The following CAST variants were observed in gnomAD, a reference collection of about 807,000 sequenced individuals.
CAST encodes the protein calpastatin.
Under a neutral mutation model 119.6 loss-of-function variants are expected in CAST, and 76 were observed. The ratio of observed to expected loss-of-function variants is 0.64; its 90% confidence interval spans 0.53 to 0.77. The LOEUF is 0.77. Ranked by LOEUF, CAST falls within the 30% of genes least tolerant of loss-of-function variation. The pLI is 0.00. For missense variants in CAST, 953 were observed against 946.5 expected, an observed-to-expected ratio of 1.01 and a Z score of -0.09; for synonymous variants, 319 against 331.6, an observed-to-expected ratio of 0.96 and a Z score of 0.41.
the CAST span, among the ~76,000 whole-genome samples, chr5:96,167,129 T>A: frequency 2.6e-3 from 391 of 152,248 alleles, 1 homozygote; most frequent in Non-Finnish European, 3.8e-3. Flanking sequence ...GGTATTAAAG[T>A]ACTAAGAATT....
intron 1 of CAST, among the ~76,000 whole-genome samples, chr5:96,616,607 A>C (rs1160674110): frequency 6.6e-6 from 1 of 152,164 alleles, no homozygotes; most frequent in Non-Finnish European, 1.5e-5. Context: ...AGAGAACAGC[A>C]GCTTAGCAGG....
intron 6 of CAST, 70 bp from the exon 7 acceptor site, chr5:96,729,083 C>A: frequency 1.0e-6 from 1 of 981,036 alleles, no homozygotes; most frequent in Non-Finnish European, 1.6e-6. Context: ...GAATTTTGTT[C>A]TTGTTCTTGT....
At chr5:96,548,748 G>A (rs930067249) in intron 1 of CAST, among the ~76,000 whole-genome samples, 5 of 152,134 alleles carry the variant, frequency 3.3e-5, no homozygotes, top group Admixed American at 2.6e-4. Context: ...AGCATCTTCT[G>A]GGTAGAGCTG....
At chr5:96,108,956 C>G in the CAST span, among the ~76,000 whole-genome samples, 1 of 152,236 alleles carries the variant, frequency 6.6e-6, no homozygotes, top group Admixed American at 6.5e-5. Flanking sequence ...ATCGGAAAAG[C>G]GCAGTATTTG....
chr5:96,024,874 C>G, the CAST span, among the ~76,000 whole-genome samples: 2 of 152,068 alleles, frequency 1.3e-5, no homozygotes, highest in Non-Finnish European at 2.9e-5. Flanking sequence ...TGATGGTACA[C>G]TTTTTTTGCC....
At chr5:96,059,088 A>T in the CAST span, among the ~76,000 whole-genome samples, 1 of 151,924 alleles carries the variant, frequency 6.6e-6, no homozygotes, top group Non-Finnish European at 1.5e-5. Flanking sequence ...TTTGTTAGAG[A>T]TGAGAACCCC....
At chr5:96,167,918 A>G in the CAST span, among the ~76,000 whole-genome samples, 2,455 of 152,190 alleles carry the variant, frequency 0.016, 55 homozygotes, top group African/African-American at 0.054. Flanking sequence ...ATCCCTGAGG[A>G]GTAGTAGAAT....
At chr5:96,446,382 G>T in the CAST span, among the ~76,000 whole-genome samples, 1 of 152,156 alleles carries the variant, frequency 6.6e-6, no homozygotes. Context: ...GGCCAATTGT[G>T]TCTCTGTAAT....
chr5:96,091,796 AC>A, the CAST span, among the ~76,000 whole-genome samples: 4 of 152,070 alleles, frequency 2.6e-5, no homozygotes, highest in Non-Finnish European at 5.9e-5. Context: ...GAGCCATCGT[AC>A]CTGGCCCTGA....
chr5:96,235,913 G>A, the CAST span, among the ~76,000 whole-genome samples: 4 of 152,148 alleles, frequency 2.6e-5, no homozygotes, highest in Non-Finnish European at 5.9e-5. Context: ...ATTCATCCTA[G>A]ACCATGGATA....
chr5:96,341,746 T>C, the CAST span, among the ~76,000 whole-genome samples: 3 of 152,182 alleles, frequency 2.0e-5, no homozygotes, highest in Non-Finnish European at 4.4e-5. Flanking sequence ...TAAAATATTA[T>C]TGAATTCTAG....
the CAST span, among the ~76,000 whole-genome samples, chr5:96,123,459 A>G: frequency 1.3e-5 from 2 of 152,158 alleles, no homozygotes; most frequent in Non-Finnish European, 2.9e-5. Flanking sequence ...AAACAAAATC[A>G]TGATGTGGAA....
the CAST span, among the ~76,000 whole-genome samples, chr5:96,366,359 A>T: frequency 5.3e-4 from 81 of 152,092 alleles, no homozygotes; most frequent in African/African-American, 1.8e-3. Context: ...TATTTCCTGA[A>T]TTTGAATGTT....
At chr5:96,484,210 T>A in the CAST span, among the ~76,000 whole-genome samples, 2 of 152,156 alleles carry the variant, frequency 1.3e-5, no homozygotes, top group Non-Finnish European at 2.9e-5. Flanking sequence ...ACTCCTCTCT[T>A]ATACCCAAGG....
intron 18 of CAST, 80 bp downstream of exon 18, chr5:96,747,472 G>A: frequency 1.0e-6 from 1 of 954,906 alleles, no homozygotes. Context: ...TGACAGTCTG[G>A]AATTCACTGT....
chr5:96,096,175 C>T, the CAST span, among the ~76,000 whole-genome samples: 24 of 152,216 alleles, frequency 1.6e-4, 1 homozygote, highest in East Asian at 4.6e-3. Context: ...AGCTTTTTGC[C>T]ATTTACTGTG....
At chr5:96,648,600 A>G (rs1207167693) in intron 1 of CAST, among the ~76,000 whole-genome samples, 1 of 152,228 alleles carries the variant, frequency 6.6e-6, no homozygotes, top group African/African-American at 2.4e-5. Context: ...ACATCTTTGA[A>G]GGAAAAGTTT....
chr5:96,755,384 T>C (rs1270592727), intron 22 of CAST, among the ~76,000 whole-genome samples: 2 of 152,098 alleles, frequency 1.3e-5, no homozygotes, highest in Admixed American at 6.6e-5. Context: ...GAACAATTAC[T>C]TTATATAAGA....
At chr5:96,545,016 G>A (rs934190688) in intron 1 of CAST, among the ~76,000 whole-genome samples, 1 of 152,068 alleles carries the variant, frequency 6.6e-6, no homozygotes, top group East Asian at 1.9e-4. Flanking sequence ...TGACAAACGG[G>A]GCATTATCTA....
Sources: allele counts gnomAD v4.1 joint callset (sites outside exome capture counted in the v4.1 genomes callset), GRCh38; gene constraint gnomAD v4.1.1; transcripts MANE v1.5; gene names NCBI Gene and HGNC (gene_info 2026-07-23, HGNC 2026-07-21).